DNAH14: variants seen among roughly 807,000 people sequenced by gnomAD.
The protein encoded by DNAH14 is axonemal beta dynein heavy chain 14.
A neutral mutation model predicts 520.9 loss-of-function variants in DNAH14; 478 were observed. The observed-to-expected ratio is 0.92, with a 90% CI of 0.85 to 0.99. The LOEUF is 0.99. Ranked by LOEUF, DNAH14 falls within the 50% of genes least tolerant of loss-of-function variation. The pLI is 0.00. For missense variants in DNAH14, 4,831 were observed against 5,234.5 expected (o/e 0.92, Z 2.38); for synonymous variants, 1,581 against 1,757.2 (o/e 0.90, Z 2.51).
intron 45 of DNAH14, 119 bp from the exon 46 acceptor site, chr1:225,259,002 C>T (rs2092835654): frequency 8.9e-7 from 1 of 1,129,296 alleles, no homozygotes; most frequent in South Asian, 1.9e-5. Context: ...AAGGGAAGAA[C>T]AAAAAAACAC....
chr1:225,280,673 T>C (rs943859359), intron 54 of DNAH14, among the ~76,000 whole-genome samples: 7 of 151,164 alleles, frequency 4.6e-5, no homozygotes, highest in African/African-American at 1.7e-4. Flanking sequence ...ACAAGTAGAT[T>C]AAAGTAGATT....
intron 41 of DNAH14, 36 bp from the exon 42 acceptor site, chr1:225,231,037 T>C (rs1018940741): frequency 2.7e-6 from 4 of 1,477,796 alleles, no homozygotes; most frequent in Non-Finnish European, 3.7e-6. Flanking sequence ...TTTAGGTCTG[T>C]TGTTAATTAT....
chr1:225,374,761 T>C lies in DNAH14; in HGVS notation c.12392T>C (p.Ile4131Thr), dbSNP rs1228791929. The change falls in exon 78 of 86, where the codon ATT (isoleucine) becomes ACT (threonine). Residue 4131 changes from isoleucine to threonine, a missense_variant. Physicochemically the swap from Ile to Thr is moderately conservative, Grantham distance 89 (BLOSUM62 -1). Coordinates refer to ENST00000682510, the MANE Select transcript of DNAH14 (RefSeq NM_001367479.1). Reference sequence around the variant, plus strand: ...TCGTGGCAAGCACTGCGCTACCTGATTGGAGAAGTGATTTACGGTGGCCGG... The same window carrying C: ...TCGTGGCAAGCACTGCGCTACCTGACTGGAGAAGTGATTTACGGTGGCCGG... Reference protein sequence around the residue: ...SISWQALRYLIGEVIYGGRVI... With the variant: ...SISWQALRYLTGEVIYGGRVI... 6 of 1,551,396 alleles carry C rather than the reference T, an allele frequency of 3.9e-6. No homozygotes were observed. In the African/African-American group the frequency reaches 6.9e-5, roughly 18 times the overall value.
At chr1:225,003,000 A>T in intron 9 of DNAH14, 73 bp downstream of exon 9, 1 of 1,251,306 alleles carries the variant, frequency 8.0e-7, no homozygotes. Flanking sequence ...ATTTTGAATT[A>T]AAAAATACAG....
At chr1:225,230,230 TAATA>T (rs1464587763) in intron 41 of DNAH14, among the ~76,000 whole-genome samples, 3 of 152,138 alleles carry the variant, frequency 2.0e-5, no homozygotes, top group Non-Finnish European at 2.9e-5. Context: ...ATGAATGGCT[TAATA>T]AATTATGATG....
intron 10 of DNAH14, among the ~76,000 whole-genome samples, chr1:225,015,861 A>T (rs1413647448): frequency 2.0e-5 from 3 of 152,170 alleles, no homozygotes; most frequent in Non-Finnish European, 4.4e-5. Flanking sequence ...TACCACACTC[A>T]CCAGACTATG....
At chr1:225,220,797 A>C (rs2089978203) in intron 41 of DNAH14, among the ~76,000 whole-genome samples, 1 of 152,226 alleles carries the variant, frequency 6.6e-6, no homozygotes, top group African/African-American at 2.4e-5. Context: ...AATTAGAAAA[A>C]AACTACTTTA....
intron 41 of DNAH14, among the ~76,000 whole-genome samples, chr1:225,222,595 G>A (rs2090146277): frequency 6.6e-6 from 1 of 152,150 alleles, no homozygotes; most frequent in Admixed American, 6.5e-5. Context: ...ATTTTACAGA[G>A]TGCTGATTGG....
intron 41 of DNAH14, among the ~76,000 whole-genome samples, chr1:225,210,181 G>T (rs2088180344): frequency 6.6e-6 from 1 of 152,000 alleles, no homozygotes; most frequent in Non-Finnish European, 1.5e-5. Flanking sequence ...GCCCTGGAAA[G>T]GAGGCTGAAA....
chr1:225,318,449 A>G, intron 60 of DNAH14, 134 bp from the exon 61 acceptor site: 1 of 743,272 alleles, frequency 1.3e-6, no homozygotes. Flanking sequence ...GCACATATCT[A>G]AGTCATAAAA....
intron 54 of DNAH14, among the ~76,000 whole-genome samples, chr1:225,282,481 A>G (rs2093648243): frequency 6.6e-6 from 1 of 152,230 alleles, no homozygotes; most frequent in Non-Finnish European, 1.5e-5. Context: ...CCCCCATAAG[A>G]AGGCCCCGAG....
At chr1:225,056,114 C>G (rs1204134693) in intron 17 of DNAH14, among the ~76,000 whole-genome samples, 1 of 151,914 alleles carries the variant, frequency 6.6e-6, no homozygotes, top group Non-Finnish European at 1.5e-5. Context: ...TCACCACACT[C>G]ACTTCCACAA....
chr1:225,235,665 G>A (rs1411572466), intron 42 of DNAH14, among the ~76,000 whole-genome samples: 1 of 152,082 alleles, frequency 6.6e-6, no homozygotes, highest in Non-Finnish European at 1.5e-5. Flanking sequence ...AATCTGCCTG[G>A]TCCTGGGCTT....
chr1:224,987,564 G>C (rs2062728718), intron 8 of DNAH14, among the ~76,000 whole-genome samples: 1 of 152,148 alleles, frequency 6.6e-6, no homozygotes, highest in Non-Finnish European at 1.5e-5. Flanking sequence ...CATGGAAGAA[G>C]GTAGAAGGCA....
Position 225,374,847 on chromosome 1 carries a change from G to C in DNAH14, c.12478G>C (p.Glu4160Gln). 1 of 1,551,118 alleles carries C rather than the reference G, an allele frequency of 6.4e-7. No individual in the cohort carries two copies. The highest frequency in any genetic ancestry group is 8.7e-7 in the Non-Finnish European group (1 of 1,146,598). Residue 4160 changes from glutamate to glutamine, a missense_variant, in exon 78 of 86, where the codon GAA becomes CAA. Physicochemically the swap from Glu to Gln is conservative, Grantham distance 29. Coordinates refer to ENST00000682510, the MANE Select transcript of DNAH14 (RefSeq NM_001367479.1). ...KTLLYKFCNP[E>Q]VLKDDFSFSS... ...CCTACTCTACAAATTTTGTAATCCTGAAGTGCTGAAAGATGACTTCAGTTT... is the reference window on the plus strand; with the variant it reads ...CCTACTCTACAAATTTTGTAATCCTCAAGTGCTGAAAGATGACTTCAGTTT...
intron 15 of DNAH14, among the ~76,000 whole-genome samples, chr1:225,049,870 CTG>C (rs1159289751): frequency 6.6e-6 from 1 of 152,054 alleles, no homozygotes. Context: ...ACTCTTGAGG[CTG>C]TGTCTCCTGA....
intron 42 of DNAH14, among the ~76,000 whole-genome samples, chr1:225,236,768 T>A (rs983280530): frequency 1.3e-5 from 2 of 152,128 alleles, no homozygotes; most frequent in Admixed American, 1.3e-4. Flanking sequence ...GGCAGCATGG[T>A]CATTTTCACA....
In DNAH14 at chr1:225,256,520, T is replaced by C. The variant is rs1027695021; in HGVS notation, c.6866-1440T>C. ...AGAAAACTAAGTTTAACGAGAAATA[T>C]GCAAAAATCAATATGAAGAAAACTT... On this transcript the variant is annotated intron_variant, in intron 44 of 85. Coordinates refer to ENST00000682510, the MANE Select transcript of DNAH14 (RefSeq NM_001367479.1). Among the ~76,000 whole-genome samples the C allele has an allele frequency of 2.0e-5, 3 of 151,978 alleles. No homozygotes were observed. In the East Asian group the frequency reaches 5.8e-4, roughly 29 times the overall value.
intron 9 of DNAH14, among the ~76,000 whole-genome samples, chr1:225,005,777 A>G (rs2064122732): frequency 6.6e-6 from 1 of 152,172 alleles, no homozygotes; most frequent in African/African-American, 2.4e-5. Flanking sequence ...ACAGTAGTGG[A>G]AAAACAATAC....
Sources: gnomAD v4.1 joint callset for allele counts (sites outside exome capture counted in the v4.1 genomes callset) on GRCh38, gnomAD v4.1.1 for gene constraint, MANE v1.5 for transcripts, NCBI Gene and HGNC (gene_info 2026-07-23, HGNC 2026-07-21) for gene names.